Variants in UBXN2A observed in about 807,000 individuals in gnomAD.
UBXN2A encodes the protein UBX domain-containing protein 2A.
In UBXN2A, 28 loss-of-function variants were observed where a neutral mutation model predicts 28.4. The ratio of observed to expected loss-of-function variants is 0.99; its 90% CI spans 0.73 to 1.35. The LOEUF (loss-of-function observed/expected upper bound fraction) is 1.35, where lower values mean the gene tolerates loss of function less well. UBXN2A is among the 40% of genes most tolerant of loss of function. The pLI is 0.00. For synonymous variants in UBXN2A, 97 were observed against 103.6 expected (o/e 0.94, Z 0.39); for missense variants, 253 against 297.9 (o/e 0.85, Z 1.11).
intron 6 of UBXN2A, among the ~76,000 whole-genome samples, chr2:23,996,424 A>G (rs559087508): frequency 2.1e-5 from 3 of 141,838 alleles, no homozygotes; most frequent in Non-Finnish European, 3.1e-5. Flanking sequence ...TTGCATTCCT[A>G]TTGTTGTTCA....
At chr2:23,936,284 T>C (rs1465050605), upstream of UBXN2A, among the ~76,000 whole-genome samples, 1 of 152,114 alleles carries the variant, frequency 6.6e-6, no homozygotes, top group Non-Finnish European at 1.5e-5. Flanking sequence ...GGGAATGATA[T>C]ACTGACACAT....
At chr2:23,955,657 A>G (rs1347095916) in intron 1 of UBXN2A, among the ~76,000 whole-genome samples, 1 of 152,196 alleles carries the variant, frequency 6.6e-6, no homozygotes, top group African/African-American at 2.4e-5. Flanking sequence ...TAGGCTACAA[A>G]CCTGTACAGC....
chr2:23,977,675 G>A (rs111302847), intron 4 of UBXN2A, among the ~76,000 whole-genome samples: 4 of 152,088 alleles, frequency 2.6e-5, no homozygotes, highest in African/African-American at 9.7e-5. Context: ...ACAACGAGCT[G>A]GAATGAGTAA....
intron 3 of UBXN2A, among the ~76,000 whole-genome samples, chr2:23,973,639 CTTTT>C (rs548688766): frequency 7.1e-6 from 1 of 141,670 alleles, no homozygotes. Context: ...TGTGTCCAGC[CTTTT>C]TTTTTTTTTG....
At chr2:23,986,515 A>T (rs1220909612) in intron 6 of UBXN2A, among the ~76,000 whole-genome samples, 1 of 152,134 alleles carries the variant, frequency 6.6e-6, no homozygotes, top group Non-Finnish European at 1.5e-5. Context: ...ACAGAAAAAC[A>T]TTAAAAGAAA....
intron 4 of UBXN2A, among the ~76,000 whole-genome samples, chr2:23,982,405 A>G (rs1258948923): frequency 6.6e-6 from 1 of 152,052 alleles, no homozygotes; most frequent in Non-Finnish European, 1.5e-5. Context: ...GTTGGGCCAC[A>G]TTTAAAGCCG....
chr2:23,929,568 C>T (rs1337648310), intron 1 of UBXN2A, among the ~76,000 whole-genome samples: 1 of 151,778 alleles, frequency 6.6e-6, no homozygotes, highest in Non-Finnish European at 1.5e-5. Context: ...AAAAAATTAG[C>T]CAGGCATGGT....
chr2:23,932,258 C>T (rs943022537), intron 1 of UBXN2A, among the ~76,000 whole-genome samples: 37 of 151,202 alleles, frequency 2.4e-4, no homozygotes, highest in Non-Finnish European at 1.5e-4. Flanking sequence ...GCAGAGGTTG[C>T]GGTGAGCTGA....
At chr2:23,996,076 T>A (rs1218376331) in intron 6 of UBXN2A, among the ~76,000 whole-genome samples, 1 of 150,944 alleles carries the variant, frequency 6.6e-6, no homozygotes, top group Non-Finnish European at 1.5e-5. Flanking sequence ...TTTTTTTTTT[T>A]TTTTTTTTGA....
intron 1 of UBXN2A, among the ~76,000 whole-genome samples, chr2:23,945,566 T>C (rs969440759): frequency 6.6e-6 from 1 of 152,164 alleles, no homozygotes; most frequent in Non-Finnish European, 1.5e-5. Context: ...TCCATTGGTT[T>C]CTTTTCCCTC....
intron 1 of UBXN2A, among the ~76,000 whole-genome samples, chr2:23,952,753 ATT>A (rs1706435820): frequency 6.6e-6 from 1 of 151,926 alleles, no homozygotes; most frequent in African/African-American, 2.4e-5. Context: ...AAATTTTTGT[ATT>A]TTTTGTAGAG....
intron 6 of UBXN2A, among the ~76,000 whole-genome samples, chr2:23,991,073 A>G (rs1708334927): frequency 6.6e-6 from 1 of 152,022 alleles, no homozygotes; most frequent in African/African-American, 2.4e-5. Flanking sequence ...TGTCCTACTA[A>G]TGGCTTGGTG....
chr2:23,954,503 G>A (rs1192456522), intron 1 of UBXN2A, among the ~76,000 whole-genome samples: 2 of 152,166 alleles, frequency 1.3e-5, no homozygotes, highest in African/African-American at 4.8e-5. Context: ...AGCAGCTGCA[G>A]TATTTCACAT....
At chr2:23,990,822 G>A (rs773545165) in intron 6 of UBXN2A, among the ~76,000 whole-genome samples, 2 of 151,646 alleles carry the variant, frequency 1.3e-5, no homozygotes, top group Non-Finnish European at 2.9e-5. Context: ...AAACATGGAT[G>A]AGTCCCAAAA....
chr2:23,982,982 C>T lies in UBXN2A; in HGVS notation c.374C>T (p.Ser125Phe), dbSNP rs141503335. 5.9e-4 allele frequency: 956 copies of T among 1,611,810 alleles called. 5 individuals are homozygous for T. The highest frequency in any genetic ancestry group is 4.5e-3 in the African/African-American group (341 of 75,012). ...VEDKKNEICL[S>F]TKPVFQPFSG... ...GACAAGAAAAATGAAATATGTTTGTCTACGAAGCCTGTGTTCCAGCCCTTT... is the reference window on the plus strand; with the variant it reads ...GACAAGAAAAATGAAATATGTTTGTTTACGAAGCCTGTGTTCCAGCCCTTT... The change falls in exon 5 of 7, where the codon TCT (serine) becomes TTT (phenylalanine). Residue 125 changes from serine to phenylalanine, a missense_variant. Coordinates refer to ENST00000309033, the MANE Select transcript of UBXN2A (RefSeq NM_181713.4).
intron 2 of UBXN2A, among the ~76,000 whole-genome samples, chr2:23,961,769 A>G (rs191938412): frequency 4.0e-4 from 60 of 150,982 alleles, no homozygotes; most frequent in African/African-American, 1.5e-3. Context: ...GATGGTCTCT[A>G]TCTCTTGACG....
chr2:23,941,943 G>T (rs1705778713), intron 1 of UBXN2A, among the ~76,000 whole-genome samples: 1 of 152,006 alleles, frequency 6.6e-6, no homozygotes. Flanking sequence ...TGGGCGTGAT[G>T]GGGGGCGTCT....
chr2:23,978,832 C>T lies in UBXN2A; in HGVS notation c.287+1757C>T, dbSNP rs547778794. 9.4e-4 allele frequency among the ~76,000 whole-genome samples: 140 copies of T among 148,338 alleles called. 1 individual carries two copies. Among genetic ancestry groups the T allele is most frequent in the Admixed American group, 6.7e-3 (100 of 14,828 alleles). On this transcript the variant is annotated intron_variant, in intron 4 of 6. Transcript: ENST00000309033. ...CAAAAATTAGCCACGCATCGTGGCA[C>T]GTGCCTGTTAGTCGCAGCTACTTGG...
chr2:23,954,266 GTGTT>G (rs1219388976), intron 1 of UBXN2A, among the ~76,000 whole-genome samples: 2 of 152,166 alleles, frequency 1.3e-5, no homozygotes, highest in Non-Finnish European at 1.5e-5. Flanking sequence ...GAATCATAAA[GTGTT>G]TGTCCTTTTG....
Sources: allele counts gnomAD v4.1 joint callset (sites outside exome capture counted in the v4.1 genomes callset), GRCh38; gene constraint gnomAD v4.1.1; transcripts MANE v1.5; gene names NCBI Gene and HGNC (gene_info 2026-07-23, HGNC 2026-07-21).